ZBTB20: variants seen among roughly 807,000 people sequenced by gnomAD.
ZBTB20 encodes the protein zinc finger and BTB domain containing 20.
ZBTB20 carries 9 observed loss-of-function variants against 56.9 expected under a neutral mutation model. That is an observed-to-expected ratio of 0.16 (90% CI 0.10 to 0.28). ZBTB20 has a LOEUF of 0.28. ZBTB20 is among the 10% of genes least tolerant of loss of function. ZBTB20 has a pLI of 1.00. For missense variants in ZBTB20, 655 were observed against 1,003.0 expected, an observed-to-expected ratio of 0.65 and a Z score of 4.69; for synonymous variants, 417 against 420.7, an observed-to-expected ratio of 0.99 and a Z score of 0.11.
At chr3:115,036,050 G>A (rs779399786) in intron 2 of ZBTB20, among the ~76,000 whole-genome samples, 1 of 152,156 alleles carries the variant, frequency 6.6e-6, no homozygotes, top group Non-Finnish European at 1.5e-5. Flanking sequence ...AAGTACAACG[G>A]TGGTTGCCAG....
intron 5 of ZBTB20, among the ~76,000 whole-genome samples, chr3:114,788,697 T>C (rs753342437): frequency 6.6e-6 from 1 of 152,142 alleles, no homozygotes; most frequent in Non-Finnish European, 1.5e-5. Flanking sequence ...GGACATTTCA[T>C]TTACAATAGT....
chr3:114,775,110 C>T (rs1241811770), intron 5 of ZBTB20, among the ~76,000 whole-genome samples: 1 of 152,082 alleles, frequency 6.6e-6, no homozygotes, highest in Non-Finnish European at 1.5e-5. Context: ...TTAAAACACT[C>T]ATGCAGAACA....
chr3:114,515,560 C>G (rs2045892955), intron 6 of ZBTB20, among the ~76,000 whole-genome samples: 1 of 152,150 alleles, frequency 6.6e-6, no homozygotes, highest in African/African-American at 2.4e-5. Flanking sequence ...TTTCACTCCA[C>G]AGTTTCATTC....
chr3:114,616,651 C>CATAATTTTA (rs2057967100), intron 6 of ZBTB20, among the ~76,000 whole-genome samples: 1 of 152,144 alleles, frequency 6.6e-6, no homozygotes. Flanking sequence ...ATGTCCACTC[C>CATAATTTTA]ATAATTTTAA....
At chr3:115,016,994 A>C (rs1203517561) in intron 2 of ZBTB20, among the ~76,000 whole-genome samples, 1 of 151,650 alleles carries the variant, frequency 6.6e-6, no homozygotes, top group Non-Finnish European at 1.5e-5. Context: ...GCCCTCTCTC[A>C]CCACTCCTAC....
chr3:115,125,260 C>CT, intron 1 of ZBTB20, among the ~76,000 whole-genome samples: 1 of 151,904 alleles, frequency 6.6e-6, no homozygotes, highest in Middle Eastern at 3.4e-3. Flanking sequence ...GGATGATCCC[C>CT]TGAGCCCAGG....
chr3:114,517,830 T>C (rs2046189406), intron 6 of ZBTB20, among the ~76,000 whole-genome samples: 1 of 152,074 alleles, frequency 6.6e-6, no homozygotes. Flanking sequence ...CGCCTCGGCC[T>C]CCCAAAGTGC....
At chr3:114,529,078 C>T (rs2047547505) in intron 6 of ZBTB20, 1 of 152,184 alleles carries the variant, frequency 6.6e-6, no homozygotes, top group African/African-American at 2.4e-5. Context: ...CTAATTATTA[C>T]TAATTATTCA....
intron 4 of ZBTB20, among the ~76,000 whole-genome samples, chr3:114,812,545 TAG>T (rs1408680555): frequency 2.0e-5 from 3 of 152,112 alleles, no homozygotes; most frequent in Non-Finnish European, 4.4e-5. Flanking sequence ...TAGCCAGATA[TAG>T]AGTGTCGATT....
intron 1 of ZBTB20, among the ~76,000 whole-genome samples, chr3:115,110,538 T>A (rs2083847234): frequency 6.6e-6 from 1 of 152,234 alleles, no homozygotes; most frequent in Non-Finnish European, 1.5e-5. Context: ...ACATTCAGAA[T>A]GTATGTCCGA....
At chr3:114,462,161 A>G (rs1471261910) in intron 7 of ZBTB20, among the ~76,000 whole-genome samples, 1 of 152,248 alleles carries the variant, frequency 6.6e-6, no homozygotes. Flanking sequence ...GATTGCAAGT[A>G]TCCTAGGACC....
chr3:114,746,202 C>T (rs550208294), intron 5 of ZBTB20, among the ~76,000 whole-genome samples: 1 of 152,130 alleles, frequency 6.6e-6, no homozygotes, highest in Non-Finnish European at 1.5e-5. Flanking sequence ...GCTTCTGTTA[C>T]CAGACTATCA....
chr3:114,977,337 A>G (rs1227127484), intron 2 of ZBTB20, among the ~76,000 whole-genome samples: 2 of 152,258 alleles, frequency 1.3e-5, no homozygotes, highest in Non-Finnish European at 2.9e-5. Context: ...GCTCAAAACA[A>G]TAACAACAAA....
At chr3:114,780,947 A>C (rs2070047866) in intron 5 of ZBTB20, among the ~76,000 whole-genome samples, 1 of 152,198 alleles carries the variant, frequency 6.6e-6, no homozygotes, top group East Asian at 1.9e-4. Flanking sequence ...ATTACCTCTC[A>C]CTTCCCCAGA....
At chr3:114,755,649 C>A (rs1052438639) in intron 5 of ZBTB20, among the ~76,000 whole-genome samples, 1 of 151,922 alleles carries the variant, frequency 6.6e-6, no homozygotes, top group Non-Finnish European at 1.5e-5. Context: ...AACATTACTG[C>A]GTTAATGGTG....
At chr3:114,550,776 G>A (rs1244025816) in intron 6 of ZBTB20, among the ~76,000 whole-genome samples, 1 of 151,616 alleles carries the variant, frequency 6.6e-6, no homozygotes. Context: ...TTTGAGACAG[G>A]GTCTCACTCT....
chr3:114,352,795 A>G (rs772768750), intron 10 of ZBTB20, among the ~76,000 whole-genome samples: 1 of 152,222 alleles, frequency 6.6e-6, no homozygotes, highest in African/African-American at 2.4e-5. Flanking sequence ...AGAGTGAAAG[A>G]GAGCATTGTT....
rs775213712 is a variant in ZBTB20, at chr3:114,651,491, T to G, written c.-295+42037A>C. 2.1e-4 allele frequency among the ~76,000 whole-genome samples: 31 copies of G among 149,954 alleles called. 1 individual carries two copies. Among genetic ancestry groups the G allele is most frequent in the East Asian group, 1.8e-3 (9 of 5,134 alleles). On this transcript the variant is annotated intron_variant, in intron 6 of 11. Transcript: ENST00000675478. ...TATTTTAATTATTCTTTTCTTTGGC[T>G]TTGACAATTTAAAAGTATAGAGAAA...
chr3:115,106,232 C>A (rs1316899700), intron 1 of ZBTB20, among the ~76,000 whole-genome samples: 1 of 130,552 alleles, frequency 7.7e-6, no homozygotes, highest in Admixed American at 7.8e-5. Context: ...CACAATAATT[C>A]TTTTTTTTTT....
Sources: gnomAD v4.1 joint callset for allele counts (sites outside exome capture counted in the v4.1 genomes callset) on GRCh38, gnomAD v4.1.1 for gene constraint, MANE v1.5 for transcripts, NCBI Gene and HGNC (gene_info 2026-07-23, HGNC 2026-07-21) for gene names.